Variants in IL4I1 observed in about 807,000 individuals in gnomAD.
IL4I1 encodes L-amino-acid oxidase.
IL4I1 carries 24 observed loss-of-function variants against 29.7 expected under a neutral mutation model. The ratio of observed to expected loss-of-function variants is 0.81; its 90% CI spans 0.59 to 1.14. The LOEUF is 1.14. Among genes scored for constraint, IL4I1 ranks in the 50% most tolerant of loss-of-function variants. IL4I1 has a pLI of 0.00. For synonymous variants in IL4I1, 371 were observed against 352.5 expected, an observed-to-expected ratio of 1.05 and a Z score of -0.59; for missense variants, 686 against 785.6, an observed-to-expected ratio of 0.87 and a Z score of 1.52.
upstream of IL4I1, among the ~76,000 whole-genome samples, chr19:49,898,510 G>A (rs1378880388): frequency 2.0e-5 from 3 of 152,050 alleles, no homozygotes; most frequent in Admixed American, 2.0e-4. Context: ...TGTTCCCATG[G>A]CGATCACCTG....
intron 2 of IL4I1, among the ~76,000 whole-genome samples, chr19:49,914,123 A>G (rs768712452): frequency 6.6e-6 from 1 of 152,192 alleles, no homozygotes; most frequent in Non-Finnish European, 1.5e-5. Flanking sequence ...CCAAGGCAGG[A>G]GGATTGCTTA....
At chr19:49,916,203 G>A (rs2122679697) in intron 2 of IL4I1, among the ~76,000 whole-genome samples, 1 of 152,284 alleles carries the variant, frequency 6.6e-6, no homozygotes, top group African/African-American at 2.4e-5. Context: ...TGGGACGGGA[G>A]AGTTTCATTG....
At chr19:49,895,294 A>T in intron 3 of IL4I1, 114 bp from the exon 4 acceptor site, 1 of 776,538 alleles carries the variant, frequency 1.3e-6, no homozygotes, top group Non-Finnish European at 2.1e-6. Context: ...AGTGGCCCAG[A>T]CCCAGACTAG....
chr19:49,928,155 A>C (rs1433209717), intron 1 of IL4I1: 1 of 152,276 alleles, frequency 6.6e-6, no homozygotes, highest in Non-Finnish European at 1.5e-5. Context: ...GGTGTTGGAC[A>C]GTCCAACGTC....
rs796872085 is a variant in IL4I1, at chr19:49,894,545, G to C, written c.366-76C>G. Reference sequence around the variant, plus strand: ...GGTCCCTAGTGGGACTTGGAGAAGAGGGGTGGGAGGGGAGAGTAGCTGGGG... The same window carrying C: ...GGTCCCTAGTGGGACTTGGAGAAGACGGGTGGGAGGGGAGAGTAGCTGGGG... On this transcript the variant is annotated intron_variant, in intron 4 of 7. Coordinates refer to ENST00000391826, the MANE Select transcript of IL4I1 (RefSeq NM_152899.2). 1.2e-4 allele frequency: 148 copies of C among 1,187,430 alleles called. No homozygotes were observed. In the African/African-American group the frequency reaches 1.9e-3, roughly 16 times the overall value. The allele number at this position is 1,187,430 out of a possible 1,614,324, so 73.6% of individuals were successfully genotyped here. A position where few individuals can be genotyped will look rare whatever the true frequency, so the allele number is the denominator to read the frequency against.
intron 3 of IL4I1, among the ~76,000 whole-genome samples, chr19:49,902,284 A>T (rs1399069117): frequency 6.6e-6 from 1 of 151,880 alleles, no homozygotes; most frequent in Non-Finnish European, 1.5e-5. Context: ...TACAAGGCTG[A>T]GCCACTGCAC....
In IL4I1 at chr19:49,889,671, T is replaced by C. The variant is rs1399581109; in HGVS notation, c.1703A>G (p.Ter568=). The C allele has an allele frequency of 5.4e-6, 8 of 1,479,292 alleles. No individual in the cohort carries two copies. The highest frequency in any genetic ancestry group is 3.0e-5 in the South Asian group (2 of 66,964). 91.6% of individuals were successfully genotyped at this position (1,479,292 alleles called of 1,614,324 possible). The change falls in exon 8 of 8, where the codon TAA becomes TGA. Residue 568 remains the stop codon, a stop_retained_variant. Coordinates refer to ENST00000391826, the MANE Select transcript of IL4I1 (RefSeq NM_152899.2). ...CACACGGCTTTTTCCGAAAATACTT[T>C]AATGCGAGGTCCTCGTGTGGGTCGT... ...QNTTHTRTSH[*]
intron 2 of IL4I1, among the ~76,000 whole-genome samples, chr19:49,919,684 C>G (rs530438247): frequency 6.6e-6 from 1 of 152,170 alleles, no homozygotes; most frequent in African/African-American, 2.4e-5. Flanking sequence ...GCTCTGGTCG[C>G]AGGACCAACA....
In IL4I1 at chr19:49,894,165, GA is replaced by G. The variant is rs533402219; in HGVS notation, c.567+102del. 175 of 1,116,644 alleles carry G rather than the reference GA, an allele frequency of 1.6e-4. 3 individuals are homozygous for G. The South Asian group carries it at 2.3e-3, about 15-fold the overall frequency. The allele number at this position is 1,116,644 out of a possible 1,614,324, so 69.2% of individuals were successfully genotyped here. On this transcript the variant is annotated intron_variant, in intron 5 of 7. Coordinates refer to ENST00000391826, the MANE Select transcript of IL4I1 (RefSeq NM_152899.2). ...CCACCAACAGGCGCCCCACCCCATG[GA>G]GGGGACTGAAGGGATGCCAGAGAGA...
intron 2 of IL4I1, among the ~76,000 whole-genome samples, chr19:49,912,376 C>T (rs573284366): frequency 1.3e-5 from 2 of 152,210 alleles, no homozygotes; most frequent in South Asian, 2.1e-4. Context: ...TCCATGTTGG[C>T]CAGGCTGGTC....
chr19:49,907,067 G>C (rs1157508582), intron 2 of IL4I1: 1 of 156,452 alleles, frequency 6.4e-6, no homozygotes, highest in Non-Finnish European at 1.4e-5. Flanking sequence ...CGTTACACTG[G>C]GCTTCATTGT....
intron 2 of IL4I1, chr19:49,909,381 C>T (rs772194391): frequency 6.2e-7 from 1 of 1,612,970 alleles, no homozygotes. Flanking sequence ...GTGGAGGGGC[C>T]AAACACAAAG....
At chr19:49,926,356 C>T (rs564589100) in intron 2 of IL4I1, among the ~76,000 whole-genome samples, 1 of 152,202 alleles carries the variant, frequency 6.6e-6, no homozygotes, top group South Asian at 2.1e-4. Flanking sequence ...ATGGCAAAAC[C>T]CCGTCTCTAC....
upstream of IL4I1, among the ~76,000 whole-genome samples, chr19:49,898,862 C>G (rs751555507): frequency 2.0e-5 from 3 of 152,088 alleles, no homozygotes; most frequent in Admixed American, 1.3e-4. Flanking sequence ...GAGTGAGACT[C>G]CGTCTCAAAA....
In IL4I1 at chr19:49,895,077, C is replaced by T. The variant is rs2075188489; in HGVS notation, c.356G>A (p.Ser119Asn). ...TGGGTTGCTAGGTCACCTGTGAGAGCTGGGCATGCGCATGGCTCCCAGCTC... is the reference window on the plus strand; with the variant it reads ...TGGGTTGCTAGGTCACCTGTGAGAGTTGGGCATGCGCATGGCTCCCAGCTC... ...IGELGAMRMP[S>N]SHRILHKLCQ... Residue 119 changes from serine (S) to asparagine (N), a missense_variant, in exon 4 of 8, where the codon AGC becomes AAC. Ser to Asn is a conservative substitution (Grantham distance 46, BLOSUM62 1). Coordinates refer to ENST00000391826, the MANE Select transcript of IL4I1 (RefSeq NM_152899.2). The T allele has an allele frequency of 1.9e-6, 3 of 1,613,162 alleles. No individual in the cohort carries two copies. The highest frequency in any genetic ancestry group is 2.5e-6 in the Non-Finnish European group (3 of 1,179,394).
intron 5 of IL4I1, 37 bp from the exon 6 acceptor site, chr19:49,891,510 C>A: frequency 6.2e-7 from 1 of 1,601,048 alleles, no homozygotes; most frequent in Non-Finnish European, 8.6e-7. Flanking sequence ...CTGAGCTGCC[C>A]GGGCAGCCAG....
intron 2 of IL4I1, among the ~76,000 whole-genome samples, chr19:49,906,448 G>A (rs1012207942): frequency 2.0e-5 from 3 of 152,148 alleles, no homozygotes; most frequent in African/African-American, 7.2e-5. Context: ...CTGACCTCAA[G>A]TGATCTGCCC....
At chr19:49,909,622 A>G (rs1403727811) in intron 2 of IL4I1, 1 of 1,614,158 alleles carries the variant, frequency 6.2e-7, no homozygotes, top group Non-Finnish European at 8.5e-7. Context: ...TCTGGGTGGC[A>G]AGTGAGAACA....
chr19:49,890,885 CCA>C, intron 7 of IL4I1, 84 bp downstream of exon 7: 1 of 1,177,110 alleles, frequency 8.5e-7, no homozygotes, highest in Non-Finnish European at 1.2e-6. Context: ...AGCCCCGCCC[CCA>C]GACCCAGAGG....
Sources: gnomAD v4.1 joint callset for allele counts (sites outside exome capture counted in the v4.1 genomes callset) on GRCh38, gnomAD v4.1.1 for gene constraint, MANE v1.5 for transcripts, NCBI Gene and HGNC (gene_info 2026-07-23, HGNC 2026-07-21) for gene names.